The following CCZ1 variants were observed in gnomAD, a reference collection of about 807,000 sequenced individuals.
CCZ1 encodes the protein vacuolar fusion protein CCZ1 homolog.
In CCZ1, 19 loss-of-function variants were observed where a neutral mutation model predicts 57.8. That is an observed-to-expected ratio of 0.33 (90% confidence interval 0.23 to 0.48). The LOEUF (loss-of-function observed/expected upper bound fraction) is 0.48. Ranked by LOEUF, CCZ1 falls within the 20% of genes least tolerant of loss-of-function variation. The pLI is 0.99. For missense variants in CCZ1, 200 were observed against 492.0 expected (o/e 0.41, Z 5.61); for synonymous variants, 81 against 167.0 (o/e 0.49, Z 3.97).
chr7:5,903,117 G>A (rs1304288027), intron 6 of CCZ1, among the ~76,000 whole-genome samples: 1 of 148,924 alleles, frequency 6.7e-6, no homozygotes, highest in African/African-American at 2.5e-5. Flanking sequence ...CACAATCTCA[G>A]GGATTGGTTC....
chr7:5,910,710 A>ATTTTATTTTT (rs111250397), intron 8 of CCZ1, among the ~76,000 whole-genome samples: 1 of 102,594 alleles, frequency 9.7e-6, no homozygotes, highest in African/African-American at 3.8e-5. Context: ...ATTTTATTTT[A>ATTTTATTTTT]TTTATTTATT....
At chr7:5,904,376 G>A (rs1335443399) in intron 6 of CCZ1, among the ~76,000 whole-genome samples, 2 of 145,762 alleles carry the variant, frequency 1.4e-5, no homozygotes, top group African/African-American at 5.2e-5. Context: ...GCGAGCCGCT[G>A]TGCCTGGCCA....
At chr7:5,908,212 C>G (rs1421847165) in intron 7 of CCZ1, among the ~76,000 whole-genome samples, 6 of 142,870 alleles carry the variant, frequency 4.2e-5, no homozygotes, top group Non-Finnish European at 7.5e-5. Flanking sequence ...TACCTATAGT[C>G]CCAGCTACTG....
chr7:5,901,981 A>C, intron 5 of CCZ1: 2 of 405,446 alleles, frequency 4.9e-6, no homozygotes, highest in South Asian at 8.7e-5. Context: ...TACAGAATGC[A>C]GATAATTTTA....
intron 1 of CCZ1, among the ~76,000 whole-genome samples, chr7:5,899,708 A>T (rs1317598298): frequency 6.7e-6 from 1 of 149,956 alleles, no homozygotes; most frequent in African/African-American, 2.5e-5. Flanking sequence ...TTGAGGCTGC[A>T]GGTGAGCTGT....
chr7:5,911,033 G>A (rs1781966385), intron 8 of CCZ1, among the ~76,000 whole-genome samples: 1 of 148,932 alleles, frequency 6.7e-6, no homozygotes, highest in South Asian at 2.2e-4. Context: ...ACTGCTCCTG[G>A]CCAAAAAATT....
intron 7 of CCZ1, among the ~76,000 whole-genome samples, chr7:5,908,947 A>AT (rs1281916850): frequency 1.4e-5 from 2 of 147,522 alleles, no homozygotes; most frequent in African/African-American, 5.1e-5. Context: ...TGTCTACAGC[A>AT]TACCCATATT....
At chr7:5,904,261 A>G (rs1340341278) in intron 6 of CCZ1, among the ~76,000 whole-genome samples, 3 of 139,604 alleles carry the variant, frequency 2.1e-5, no homozygotes, top group Non-Finnish European at 3.0e-5. Flanking sequence ...TAATGTTGTA[A>G]TTTTATTAGA....
chr7:5,922,070 TCTC>T (rs1476052235), intron 12 of CCZ1, among the ~76,000 whole-genome samples: 2 of 135,480 alleles, frequency 1.5e-5, no homozygotes, highest in African/African-American at 5.4e-5. Context: ...CCTAGGCTGA[TCTC>T]GAACTCCTGA....
rs1336415101 is a variant in CCZ1, at chr7:5,910,711, TTTATTTATTTATTTA to T, written c.780+598_780+612del. ...CTTTTAATTTATGTATTTTATTTTA[TTTATTTATTTATTTA>T]TTTATTTATTTATTTATTTATTTAT... is the stretch of plus-strand genomic sequence containing the variant. On this transcript the variant is annotated intron_variant, in intron 8 of 14. Transcript: ENST00000325974. Among the ~76,000 whole-genome samples, 139 of 120,122 alleles carry T rather than the reference TTTATTTATTTATTTA, an allele frequency of 1.2e-3. 9 individuals are homozygous for T. The highest frequency in any genetic ancestry group is 1.6e-3 in the Non-Finnish European group (91 of 56,418). 78.8% of individuals were successfully genotyped at this position (120,122 alleles called of 152,430 possible). A position where few individuals can be genotyped will look rare whatever the true frequency, so the allele number is the denominator to read the frequency against.
chr7:5,907,590 G>GAGC (rs1781863594), intron 7 of CCZ1, among the ~76,000 whole-genome samples: 1 of 146,248 alleles, frequency 6.8e-6, no homozygotes, highest in Non-Finnish European at 1.5e-5. Context: ...GGAGACCCTG[G>GAGC]AGCCAGAGTG....
rs1480143901 is a variant in CCZ1, at chr7:5,925,911, T to C, written c.*224T>C. On this transcript the variant is annotated 3_prime_UTR_variant, in exon 15 of 15. Transcript: ENST00000325974. ...TGGCTATATCGCTATCATTTCATTC[T>C]TTTGACATTATGTGAATATTTTACT... The C allele has an allele frequency of 2.0e-5, 14 of 686,008 alleles. No homozygotes were observed. The highest frequency in any genetic ancestry group is 3.5e-5 in the Non-Finnish European group (14 of 397,750). 42.5% of individuals were successfully genotyped at this position (686,008 alleles called of 1,614,324 possible). A position where few individuals can be genotyped will look rare whatever the true frequency, so the allele number is the denominator to read the frequency against.
rs770503313 is a variant in CCZ1, at chr7:5,910,068, A to G, written c.732A>G (p.Leu244=). 15 of 1,590,340 alleles carry G rather than the reference A, an allele frequency of 9.4e-6. 1 individual carries two copies. In the South Asian group the frequency reaches 1.6e-4, roughly 17 times the overall value. ...SGLEQDDMRI[L]YKYLTTSLFP... ...TAGAACAAGATGACATGAGAATTTTATACAAATACCTTACCACCTCCCTTT... is the reference window on the plus strand; with the variant it reads ...TAGAACAAGATGACATGAGAATTTTGTACAAATACCTTACCACCTCCCTTT... Residue 244 remains leucine (L), a synonymous_variant, in exon 8 of 15, where the codon TTA becomes TTG. Transcript: ENST00000325974.
At position 5,907,376 on chromosome 7, in the gene CCZ1, C is replaced by A. The variant is rs1418532969; in HGVS notation, c.698+2107C>A. ...AATGACAGGACGTGCTTGCAAGTCACACGCAGCCACAGCGATAGGGAGATG... is the reference window on the plus strand; with the variant it reads ...AATGACAGGACGTGCTTGCAAGTCAAACGCAGCCACAGCGATAGGGAGATG... On this transcript the variant is annotated intron_variant, in intron 7 of 14. Coordinates refer to ENST00000325974, the MANE Select transcript of CCZ1 (RefSeq NM_015622.6). 1.3e-5 allele frequency among the ~76,000 whole-genome samples: 2 copies of A among 149,434 alleles called. 1 individual carries two copies. Among genetic ancestry groups the A allele is most frequent in the Non-Finnish European group, 2.9e-5 (2 of 67,830 alleles).
intron 9 of CCZ1, among the ~76,000 whole-genome samples, chr7:5,912,504 A>G (rs1337198310): frequency 1.4e-5 from 2 of 138,314 alleles, no homozygotes; most frequent in African/African-American, 2.7e-5. Flanking sequence ...GGTTCAAGCA[A>G]TTCCCCTGCC....
chr7:5,916,659 G>GGAAGCTCACCTGAGCCTCGAGATCCAGA, intron 10 of CCZ1, among the ~76,000 whole-genome samples: 1 of 148,186 alleles, frequency 6.7e-6, no homozygotes, highest in Non-Finnish European at 1.5e-5. Context: ...TGACATCCAG[G>GGAAGCTCACCTGAGCCTCGAGATCCAGA]GAAGCTCACC....
intron 7 of CCZ1, among the ~76,000 whole-genome samples, chr7:5,907,041 TG>T (rs1175876740): frequency 6.7e-6 from 1 of 148,304 alleles, no homozygotes; most frequent in Non-Finnish European, 1.5e-5. Flanking sequence ...CTAATTTTTT[TG>T]TAGAGATGGG....
chr7:5,915,664 G>A (rs1299837552), intron 10 of CCZ1, among the ~76,000 whole-genome samples: 6 of 148,706 alleles, frequency 4.0e-5, no homozygotes, highest in African/African-American at 7.4e-5. Flanking sequence ...CACCCACTGC[G>A]AGTTTGGGAG....
At chr7:5,901,140 T>C (rs2528313) in intron 4 of CCZ1, 143,482 of 271,728 alleles carry the variant, frequency 0.53, 42,608 homozygotes, top group African/African-American at 0.71. Flanking sequence ...TACTCTTCAT[T>C]TATATTGAAA....
Sources: allele counts gnomAD v4.1 joint callset (sites outside exome capture counted in the v4.1 genomes callset), GRCh38; gene constraint gnomAD v4.1.1; transcripts MANE v1.5; gene names NCBI Gene and HGNC (gene_info 2026-07-23, HGNC 2026-07-21).